The following ANKIB1 variants were observed in gnomAD, a reference collection of about 807,000 sequenced individuals.
ANKIB1 encodes the protein ankyrin repeat and IBR domain containing 1.
Under a neutral mutation model 122.1 loss-of-function variants are expected in ANKIB1, and 43 were observed. The observed-to-expected ratio is 0.35, with a 90% CI of 0.28 to 0.45. ANKIB1 has a LOEUF of 0.45. Among genes scored for constraint, ANKIB1 ranks in the 20% least tolerant of loss-of-function variants. The pLI, the probability that ANKIB1 is intolerant of heterozygous loss-of-function variation, is 1.00. For synonymous variants in ANKIB1, 390 were observed against 442.0 expected, an observed-to-expected ratio of 0.88 and a Z score of 1.48; for missense variants, 992 against 1,329.5, an observed-to-expected ratio of 0.75 and a Z score of 3.95.
At position 92,362,644 on chromosome 7, in the gene ANKIB1, C is replaced by G. The variant is rs182203405; in HGVS notation, c.1486+371C>G. On this transcript the variant is annotated intron_variant, in intron 10 of 19. Coordinates refer to ENST00000265742, the MANE Select transcript of ANKIB1 (RefSeq NM_019004.2). ...TGTAATGAGAGTGAGCTTCTCATAT[C>G]CCTGAAAGCTTCCAATGAAGGATGC... Among the ~76,000 whole-genome samples, 4 of 152,274 alleles carry G rather than the reference C, an allele frequency of 2.6e-5. No individual in the cohort carries two copies. The East Asian group carries it at 7.7e-4, about 29-fold the overall frequency.
chr7:92,397,747 G>C lies in ANKIB1; in HGVS notation c.2420G>C (p.Ser807Thr), dbSNP rs1411410457. ...TLDIPEGGSS[S>T]RRPGTSVVSS... The stretch of plus-strand genomic sequence containing the variant: ...GATATTCCAGAAGGCGGCAGCAGCA[G>C]CCGCAGGCCTGGCACATCCGTGGTA... The change falls in exon 19 of 20, where the codon AGC becomes ACC. Residue 807 changes from serine to threonine, a missense_variant. Ser to Thr is a moderately conservative substitution (Grantham distance 58). This residue lies in a region of ANKIB1 where 384 missense variants were observed against 412.0 expected (regional missense o/e 0.93). Transcript: ENST00000265742. 2 of 1,611,698 alleles carry C rather than the reference G, an allele frequency of 1.2e-6. No individual in the cohort carries two copies. The highest frequency in any genetic ancestry group is 1.7e-5 in the Admixed American group (1 of 59,650).
At chr7:92,382,853 T>C (rs1012896017) in intron 11 of ANKIB1, among the ~76,000 whole-genome samples, 7 of 151,968 alleles carry the variant, frequency 4.6e-5, no homozygotes, top group East Asian at 3.9e-4. Context: ...AGCAAACACA[T>C]TCAAAAGCTA....
chr7:92,248,240 C>T (rs181176412), intron 1 of ANKIB1, among the ~76,000 whole-genome samples: 1 of 152,242 alleles, frequency 6.6e-6, no homozygotes, highest in African/African-American at 2.4e-5. Context: ...TTGACCACTA[C>T]ACCGAGAATT....
In ANKIB1 at chr7:92,337,512, G is replaced by T. The variant is rs146628216; in HGVS notation, c.788-5512G>T. Among the ~76,000 whole-genome samples, 17 of 152,056 alleles carry T rather than the reference G, an allele frequency of 1.1e-4. No individual in the cohort carries two copies. The East Asian group carries it at 1.9e-3, about 17-fold the overall frequency. ...TTATAAATTTCTTTCCTAATGTTCA[G>T]CTGTTCTTATATTCCAGGAATAAGG... On this transcript the variant is annotated intron_variant, in intron 5 of 19. Coordinates refer to ENST00000265742, the MANE Select transcript of ANKIB1 (RefSeq NM_019004.2).
chr7:92,391,163 T>C lies in ANKIB1; in HGVS notation c.2053-3T>C. The C allele has an allele frequency of 6.2e-6, 10 of 1,605,426 alleles. No individual in the cohort carries two copies. Among genetic ancestry groups the C allele is most frequent in the Non-Finnish European group, 8.5e-6 (10 of 1,175,386 alleles). ...ATTTTTTTTTTTTCTCTGCTTACTA[T>C]AGACAGACCTAGAAATGGTCACTGA... On this transcript the variant is annotated splice_region_variant and splice_polypyrimidine_tract_variant and intron_variant, in intron 15 of 19. Coordinates refer to ENST00000265742, the MANE Select transcript of ANKIB1 (RefSeq NM_019004.2).
In ANKIB1 at chr7:92,370,508, C is replaced by CAAAA. The variant is rs34318038; in HGVS notation, c.1487-940_1487-937dup. Among the ~76,000 whole-genome samples, 43 of 32,982 alleles carry CAAAA rather than the reference C, an allele frequency of 1.3e-3. 5 individuals are homozygous for CAAAA. Among genetic ancestry groups the CAAAA allele is most frequent in the Admixed American group, 3.5e-3 (7 of 2,020 alleles). The allele number at this position is 32,982 out of a possible 152,430, so 21.6% of individuals were successfully genotyped here. A position where few individuals can be genotyped will look rare whatever the true frequency, so the allele number is the denominator to read the frequency against. ...GGGTGACAGAGCAAGACTCTTGTCT[C>CAAAA]AAAAAAAAAAAAAAAAAAAAAAAAA... On this transcript the variant is annotated intron_variant, in intron 10 of 19. Coordinates refer to ENST00000265742, the MANE Select transcript of ANKIB1 (RefSeq NM_019004.2).
At chr7:92,269,588 A>G (rs1450085645) in intron 1 of ANKIB1, among the ~76,000 whole-genome samples, 2 of 152,154 alleles carry the variant, frequency 1.3e-5, no homozygotes, top group African/African-American at 4.8e-5. Context: ...TTTTATAGGG[A>G]CCTGTTGCCC....
chr7:92,284,876 A>G (rs535491886), intron 1 of ANKIB1, among the ~76,000 whole-genome samples: 31 of 152,338 alleles, frequency 2.0e-4, no homozygotes, highest in African/African-American at 7.5e-4. Flanking sequence ...CCAGTGAACA[A>G]CTGGTCCTTC....
At chr7:92,367,849 T>C (rs557834109) in intron 10 of ANKIB1, among the ~76,000 whole-genome samples, 1 of 152,172 alleles carries the variant, frequency 6.6e-6, no homozygotes, top group Non-Finnish European at 1.5e-5. Context: ...GAGTTCAAAT[T>C]GTATTATTTA....
chr7:92,398,471 C>G lies in ANKIB1; in HGVS notation c.2792C>G (p.Pro931Arg), dbSNP rs1482420000. 6.2e-7 allele frequency: 1 copy of G among 1,613,918 alleles called. No homozygotes were observed. Among genetic ancestry groups the G allele is most frequent in the Non-Finnish European group, 8.5e-7 (1 of 1,179,856 alleles). Residue 931 changes from proline to arginine, a missense_variant, in exon 20 of 20, where the codon CCA (proline) becomes CGA (arginine). Physicochemically the swap from Pro to Arg is moderately radical, Grantham distance 103. This residue lies in a region of ANKIB1 where 384 missense variants were observed against 412.0 expected (regional missense o/e 0.93). Coordinates refer to ENST00000265742, the MANE Select transcript of ANKIB1 (RefSeq NM_019004.2). ...ATGAGACTAGGAGCAGAGAATGACC[C>G]ATTTTCAACTGACACCCTGAGCTCA... is the stretch of plus-strand genomic sequence containing the variant. ...SLMRLGAENDPFSTDTLSSHP... is the reference protein window; with the variant it reads ...SLMRLGAENDRFSTDTLSSHP...
intron 10 of ANKIB1, among the ~76,000 whole-genome samples, chr7:92,365,422 C>T (rs58955889): frequency 0.017 from 2,582 of 152,260 alleles, 85 homozygotes; most frequent in East Asian, 0.091. Flanking sequence ...TATGAAGTAG[C>T]GTGGCATATT....
chr7:92,374,419 A>G (rs1233661411), intron 11 of ANKIB1, among the ~76,000 whole-genome samples: 1 of 152,216 alleles, frequency 6.6e-6, no homozygotes, highest in Admixed American at 6.5e-5. Context: ...CGGAGGTTGC[A>G]GTGAGCTGAG....
chr7:92,388,244 C>T (rs1478789177), intron 14 of ANKIB1, among the ~76,000 whole-genome samples: 1 of 152,194 alleles, frequency 6.6e-6, no homozygotes, highest in African/African-American at 2.4e-5. Flanking sequence ...TAGCCTCCTC[C>T]TCTTGATGCA....
chr7:92,304,358 CTG>C (rs529273210), intron 2 of ANKIB1, among the ~76,000 whole-genome samples: 1 of 152,190 alleles, frequency 6.6e-6, no homozygotes, highest in South Asian at 2.1e-4. Flanking sequence ...AATACACTCT[CTG>C]TGTTTGGTTT....
intron 8 of ANKIB1, 76 bp from the exon 9 acceptor site, chr7:92,352,400 C>T (rs1803683681): frequency 4.2e-6 from 6 of 1,416,354 alleles, no homozygotes; most frequent in Non-Finnish European, 4.8e-6. Context: ...TAGTAAATTA[C>T]CATAGAGGTA....
rs773920202 is a variant in ANKIB1, at chr7:92,319,293, C to T, written c.487-37C>T. 5.8e-5 allele frequency: 76 copies of T among 1,304,334 alleles called. 1 individual carries two copies. In the Middle Eastern group the frequency reaches 1.1e-3, roughly 19 times the overall value. The allele number at this position is 1,304,334 out of a possible 1,614,324, so 80.8% of individuals were successfully genotyped here. On this transcript the variant is annotated intron_variant, in intron 3 of 19. Coordinates refer to ENST00000265742, the MANE Select transcript of ANKIB1 (RefSeq NM_019004.2). ...AATAGCATGAAATAACTTATTTGAA[C>T]CTGTAGTTGCAAGTTTTTGAAAAAA...
At chr7:92,385,772 C>G (rs567379595) in intron 11 of ANKIB1, among the ~76,000 whole-genome samples, 1 of 152,212 alleles carries the variant, frequency 6.6e-6, no homozygotes, top group African/African-American at 2.4e-5. Flanking sequence ...AGGAGAAATA[C>G]CTAATGTAAA....
At chr7:92,357,058 T>C (rs1316607701) in intron 9 of ANKIB1, among the ~76,000 whole-genome samples, 1 of 152,216 alleles carries the variant, frequency 6.6e-6, no homozygotes, top group African/African-American at 2.4e-5. Context: ...GTAATAAATT[T>C]TAAAACTTCA....
chr7:92,346,096 A>G (rs1175574152), intron 7 of ANKIB1, among the ~76,000 whole-genome samples: 1 of 151,086 alleles, frequency 6.6e-6, no homozygotes, highest in African/African-American at 2.4e-5. Flanking sequence ...ATCACCCCCA[A>G]TTTGTAGGCA....
Sources: allele counts gnomAD v4.1 joint callset (sites outside exome capture counted in the v4.1 genomes callset), GRCh38; gene constraint gnomAD v4.1.1; regional missense constraint gnomAD v4.1.1; transcripts MANE v1.5; gene names NCBI Gene and HGNC (gene_info 2026-07-23, HGNC 2026-07-21).